Variants in NCOA3 observed in about 807,000 individuals in gnomAD.
NCOA3 encodes CBP-interacting protein.
A neutral mutation model predicts 158.8 loss-of-function variants in NCOA3; 51 were observed. The ratio of observed to expected loss-of-function variants is 0.32; its 90% confidence interval spans 0.26 to 0.41. NCOA3 has a LOEUF of 0.41. Among genes scored for constraint, NCOA3 ranks in the 10% least tolerant of loss-of-function variants. The pLI is 1.00. For missense variants in NCOA3, 1,510 were observed against 1,746.6 expected (o/e 0.86, Z 2.41); for synonymous variants, 537 against 592.4 (o/e 0.91, Z 1.36).
intron 1 of NCOA3, among the ~76,000 whole-genome samples, chr20:47,555,256 A>G (rs1006480668): frequency 6.6e-6 from 1 of 152,186 alleles, no homozygotes; most frequent in African/African-American, 2.4e-5. Flanking sequence ...CTGATGCTAT[A>G]TTTGCTAATT....
At position 47,627,987 on chromosome 20, in the gene NCOA3, A is replaced by T; in HGVS notation, c.787A>T (p.Asn263Tyr). 1 of 1,614,004 alleles carries T rather than the reference A, an allele frequency of 6.2e-7. No individual in the cohort carries two copies. Among genetic ancestry groups the T allele is most frequent in the Non-Finnish European group, 8.5e-7 (1 of 1,179,932 alleles). Residue 263 changes from asparagine to tyrosine, a missense_variant, in exon 8 of 23, where the codon AAC becomes TAC. Coordinates refer to ENST00000371998, the MANE Select transcript of NCOA3 (RefSeq NM_181659.3). ...ITTGERTFPS[N>Y]PESFITRHDL... is the part of the protein sequence containing the mutation. ...TACAGGAGAAAGAACATTTCCATCA[A>T]ACCCTGAGAGCTTTATTACCAGACA...
intron 1 of NCOA3, among the ~76,000 whole-genome samples, chr20:47,547,834 G>GCCT (rs1264926765): frequency 6.6e-6 from 1 of 152,082 alleles, no homozygotes; most frequent in Non-Finnish European, 1.5e-5. Context: ...TCGTGCCTTA[G>GCCT]CCTCCCGAGT....
At chr20:47,551,650 T>C (rs2084929172) in intron 1 of NCOA3, among the ~76,000 whole-genome samples, 1 of 152,220 alleles carries the variant, frequency 6.6e-6, no homozygotes, top group Admixed American at 6.5e-5. Flanking sequence ...TTGACAGTGA[T>C]TAAAAGATGA....
chr20:47,514,845 T>C (rs1389714523), intron 1 of NCOA3, among the ~76,000 whole-genome samples: 1 of 150,730 alleles, frequency 6.6e-6, no homozygotes, highest in African/African-American at 2.4e-5. Context: ...CCACTATGCC[T>C]GGCTAATTTT....
chr20:47,576,700 GC>G (rs2085378020), intron 1 of NCOA3, among the ~76,000 whole-genome samples: 1 of 152,170 alleles, frequency 6.6e-6, no homozygotes, highest in East Asian at 1.9e-4. Context: ...TTCATTTGCA[GC>G]CCGAGGGGTC....
intron 1 of NCOA3, among the ~76,000 whole-genome samples, chr20:47,562,888 G>C (rs1262796016): frequency 1.3e-5 from 2 of 151,950 alleles, no homozygotes; most frequent in Admixed American, 1.3e-4. Context: ...TAATATTTTA[G>C]AGGCTACTTT....
intron 2 of NCOA3, among the ~76,000 whole-genome samples, chr20:47,617,291 G>T (rs898527285): frequency 3.9e-5 from 6 of 152,158 alleles, no homozygotes; most frequent in Non-Finnish European, 7.4e-5. Flanking sequence ...GTGTGAGACT[G>T]TTGTGCTATA....
intron 2 of NCOA3, among the ~76,000 whole-genome samples, chr20:47,590,855 G>A (rs1300678293): frequency 6.6e-6 from 1 of 151,760 alleles, no homozygotes; most frequent in East Asian, 1.9e-4. Flanking sequence ...CATACCTGTA[G>A]TCCCAGCACT....
At chr20:47,647,024 G>A (rs2086696658) in intron 17 of NCOA3, 49 bp from the exon 18 acceptor site, 2 of 1,547,450 alleles carry the variant, frequency 1.3e-6, no homozygotes, top group African/African-American at 2.8e-5. Context: ...TTTGACTTCT[G>A]TTGCTTTCAT....
intron 16 of NCOA3, among the ~76,000 whole-genome samples, chr20:47,640,677 G>A (rs1602529849): frequency 6.7e-6 from 1 of 149,662 alleles, no homozygotes; most frequent in East Asian, 2.0e-4. Context: ...TCAGGAGATC[G>A]AGACTATCCT....
chr20:47,575,020 C>T (rs1437247767), intron 1 of NCOA3, among the ~76,000 whole-genome samples: 1 of 152,142 alleles, frequency 6.6e-6, no homozygotes, highest in African/African-American at 2.4e-5. Flanking sequence ...TCCCCAACCT[C>T]CCCACTTCCC....
intron 1 of NCOA3, among the ~76,000 whole-genome samples, chr20:47,551,607 G>T (rs1042390076): frequency 1.3e-5 from 2 of 152,182 alleles, no homozygotes; most frequent in Non-Finnish European, 2.9e-5. Flanking sequence ...CAGGCTGGAA[G>T]ATAAATTTTC....
At chr20:47,617,721 T>C (rs2086162053) in intron 2 of NCOA3, among the ~76,000 whole-genome samples, 1 of 152,256 alleles carries the variant, frequency 6.6e-6, no homozygotes, top group South Asian at 2.1e-4. Flanking sequence ...ATTGAAATTA[T>C]TATTTTGGGG....
At chr20:47,608,229 C>T (rs887932197) in intron 2 of NCOA3, among the ~76,000 whole-genome samples, 1 of 151,910 alleles carries the variant, frequency 6.6e-6, no homozygotes, top group African/African-American at 2.4e-5. Context: ...GAGAATCGCT[C>T]GAACTGGGGA....
chr20:47,627,885 A>G, intron 7 of NCOA3, 37 bp from the exon 8 acceptor site: 1 of 1,594,068 alleles, frequency 6.3e-7, no homozygotes. Flanking sequence ...TCCAAAAGTT[A>G]AGTATAATCC....
At chr20:47,530,418 G>C (rs1186122324) in intron 1 of NCOA3, among the ~76,000 whole-genome samples, 1 of 151,252 alleles carries the variant, frequency 6.6e-6, no homozygotes, top group Admixed American at 6.6e-5. Flanking sequence ...GATTTGCATA[G>C]CTCAGTATTT....
At chr20:47,593,066 T>A (rs2085674689) in intron 2 of NCOA3, among the ~76,000 whole-genome samples, 2 of 152,050 alleles carry the variant, frequency 1.3e-5, no homozygotes, top group Admixed American at 1.3e-4. Flanking sequence ...CTCAAGTAGC[T>A]CGGGTTACAG....
rs112647886 is a variant in NCOA3, at chr20:47,651,888, G to A, written c.3947-518G>A. Reference sequence around the variant, plus strand: ...TCACTGTGTTAGCCAGGATGGTCTCGATCTCCTGACCTCGTGATCTGCCTG... The same window carrying A: ...TCACTGTGTTAGCCAGGATGGTCTCAATCTCCTGACCTCGTGATCTGCCTG... On this transcript the variant is annotated intron_variant, in intron 20 of 22. Coordinates refer to ENST00000371998, the MANE Select transcript of NCOA3 (RefSeq NM_181659.3). Among the ~76,000 whole-genome samples, 245 of 151,730 alleles carry A rather than the reference G, an allele frequency of 1.6e-3. No homozygotes were observed. The Middle Eastern group carries it at 0.02, about 13-fold the overall frequency.
chr20:47,599,401 A>AG (rs1440562843), intron 2 of NCOA3, among the ~76,000 whole-genome samples: 1 of 151,986 alleles, frequency 6.6e-6, no homozygotes, highest in Non-Finnish European at 1.5e-5. Flanking sequence ...GAATGGGAGC[A>AG]GGGGGGAATA....
Sources: gnomAD v4.1 joint callset for allele counts (sites outside exome capture counted in the v4.1 genomes callset) on GRCh38, gnomAD v4.1.1 for gene constraint, MANE v1.5 for transcripts, NCBI Gene and HGNC (gene_info 2026-07-23, HGNC 2026-07-21) for gene names.